The following BTD variants were observed in gnomAD, a reference collection of about 807,000 sequenced individuals.
BTD encodes the protein biocytinase.
Under a neutral mutation model 17.7 loss-of-function variants are expected in BTD, and 13 were observed. The ratio of observed to expected loss-of-function variants is 0.74; its 90% CI spans 0.48 to 1.17. BTD has a LOEUF of 1.17. Among genes scored for constraint, BTD ranks in the 50% most tolerant of loss-of-function variants. The pLI is 0.00. For missense variants in BTD, 674 were observed against 650.4 expected, an observed-to-expected ratio of 1.04 and a Z score of -0.39; for synonymous variants, 240 against 245.2, an observed-to-expected ratio of 0.98 and a Z score of 0.20.
intron 3 of BTD, chr3:15,709,744 G>A: frequency 1.3e-6 from 2 of 1,545,438 alleles, no homozygotes; most frequent in Non-Finnish European, 1.7e-6. Flanking sequence ...TTCCTATTGA[G>A]AGAAAATACA....
At chr3:15,715,375 T>C (rs2072880525), downstream of BTD, among the ~76,000 whole-genome samples, 1 of 152,214 alleles carries the variant, frequency 6.6e-6, no homozygotes, top group Non-Finnish European at 1.5e-5. Flanking sequence ...AATGGAAATG[T>C]CACAAGTATT....
chr3:15,605,829 A>C (rs191105838), intron 1 of BTD, among the ~76,000 whole-genome samples: 41 of 152,214 alleles, frequency 2.7e-4, no homozygotes, highest in Non-Finnish European at 4.3e-4. Context: ...AGATCATCTG[A>C]GGTCAGGAGT....
At chr3:15,692,763 A>C (rs1423953688) in intron 3 of BTD, among the ~76,000 whole-genome samples, 1 of 152,240 alleles carries the variant, frequency 6.6e-6, no homozygotes, top group Non-Finnish European at 1.5e-5. Flanking sequence ...CATTAAGCCT[A>C]ATCACTAAAT....
chr3:15,644,855 A>G lies in BTD; in HGVS notation c.939A>G (p.Ile313Met), dbSNP rs1267851309. Residue 313 changes from isoleucine to methionine, a missense_variant, in exon 4 of 4, where the codon ATA (isoleucine) becomes ATG (methionine). Ile to Met is a conservative substitution (Grantham distance 10). Coordinates refer to ENST00000643237, the MANE Select transcript of BTD (RefSeq NM_001370658.1). ...TGGAAAATCCCAAAAGTCACCTTAT[A>G]ATTGCCCAGGTGGCCAAAAATCCAG... ...HDMENPKSHLIIAQVAKNPVG... is the reference protein window; with the variant it reads ...HDMENPKSHLMIAQVAKNPVG... 6.2e-7 allele frequency: 1 copy of G among 1,614,052 alleles called. No individual in the cohort carries two copies. The highest frequency in any genetic ancestry group is 1.3e-5 in the African/African-American group (1 of 74,914).
Position 15,681,158 on chromosome 3 carries a change from C to T in BTD, c.400-28902C>T, listed in dbSNP as rs1172753274. ...ATGGTTTATTTGTGTATAACCTATG[C>T]ACATCTTCTCATATACTTTAAGTCA... is the stretch of plus-strand genomic sequence containing the variant. On this transcript the variant is annotated intron_variant, in intron 3 of 3. Coordinates refer to the BTD transcript ENST00000672141. Among the ~76,000 whole-genome samples the T allele has an allele frequency of 3.9e-5, 6 of 152,122 alleles. No individual in the cohort carries two copies. The East Asian group carries it at 9.6e-4, about 24-fold the overall frequency.
At chr3:15,671,749 A>G (rs1395001317) in intron 3 of BTD, among the ~76,000 whole-genome samples, 1 of 151,826 alleles carries the variant, frequency 6.6e-6, no homozygotes, top group African/African-American at 2.4e-5. Context: ...ATGACCAGCT[A>G]ATTTTTTATA....
chr3:15,615,355 C>T (rs1265929022), intron 1 of BTD, among the ~76,000 whole-genome samples: 1 of 152,170 alleles, frequency 6.6e-6, no homozygotes, highest in Non-Finnish European at 1.5e-5. Context: ...CAAGTTTCTA[C>T]GTCAGATAGT....
chr3:15,621,611 T>C (rs1269583613), intron 1 of BTD, among the ~76,000 whole-genome samples: 2 of 152,124 alleles, frequency 1.3e-5, no homozygotes, highest in African/African-American at 4.8e-5. Context: ...CTTTTTTTTT[T>C]CCTTTGAGAT....
chr3:15,708,144 C>A, intron 3 of BTD: 1 of 1,442,040 alleles, frequency 6.9e-7, no homozygotes, highest in South Asian at 1.3e-5. Flanking sequence ...ACTCTTACTC[C>A]TCCCAGTTAC....
At chr3:15,602,102 G>A in intron 1 of BTD, 1 of 1,435,238 alleles carries the variant, frequency 7.0e-7, no homozygotes, top group Non-Finnish European at 9.1e-7. Flanking sequence ...TACACGCTTT[G>A]TGGTTTACGC....
At chr3:15,678,322 T>A (rs772429036) in intron 3 of BTD, 2 of 1,611,148 alleles carry the variant, frequency 1.2e-6, no homozygotes, top group Non-Finnish European at 1.7e-6. Flanking sequence ...ACACTCTACA[T>A]GGTCTGTGAA....
chr3:15,684,969 A>G, intron 3 of BTD: 3 of 444,650 alleles, frequency 6.7e-6, no homozygotes, highest in Non-Finnish European at 1.2e-5. Flanking sequence ...ACTAAAAAAG[A>G]AAAGAAAAGA....
intron 3 of BTD, among the ~76,000 whole-genome samples, chr3:15,701,379 T>A (rs1026707121): frequency 5.3e-5 from 8 of 152,192 alleles, no homozygotes; most frequent in African/African-American, 1.9e-4. Context: ...GTGCAGTGGC[T>A]CATGCCTGTA....
chr3:15,641,977 C>T lies in BTD; in HGVS notation c.319C>T (p.Pro107Ser). Reference sequence around the variant, plus strand: ...CAACTTTACAAGAACATCCATTTATCCATTTTTGGACTTCATGCCGTCTCC... The same window carrying T: ...CAACTTTACAAGAACATCCATTTATTCATTTTTGGACTTCATGCCGTCTCC... ...GFNFTRTSIY[P>S]FLDFMPSPQV... Residue 107 changes from proline (P) to serine (S), a missense_variant, in exon 3 of 4, where the codon CCA (proline) becomes TCA (serine). Physicochemically the swap from Pro to Ser is moderately conservative, Grantham distance 74. Transcript: ENST00000643237. The T allele has an allele frequency of 1.9e-6, 3 of 1,614,106 alleles. No homozygotes were observed. The highest frequency in any genetic ancestry group is 2.2e-5 in the South Asian group (2 of 91,046).
chr3:15,721,034 C>T (rs751799333), intron 4 of BTD: 3 of 1,613,754 alleles, frequency 1.9e-6, no homozygotes. Context: ...TTCACAATAG[C>T]ACCACAGTCT....
intron 3 of BTD, chr3:15,683,942 T>C (rs1449991490): frequency 6.6e-6 from 1 of 152,158 alleles, no homozygotes; most frequent in Non-Finnish European, 1.5e-5. Context: ...TTTTAGCAAA[T>C]GGGTATTTAT....
At chr3:15,665,366 T>C (rs2065967487) in intron 3 of BTD, among the ~76,000 whole-genome samples, 1 of 152,210 alleles carries the variant, frequency 6.6e-6, no homozygotes, top group Admixed American at 6.5e-5. Flanking sequence ...GGACTGGTGC[T>C]ACATTCTTCT....
chr3:15,642,392 C>A, intron 3 of BTD: 1 of 606,080 alleles, frequency 1.6e-6, no homozygotes, highest in Non-Finnish European at 2.6e-6. Flanking sequence ...AAACTGCCAT[C>A]AACAATTTGA....
rs1008487550 is a variant in BTD, at chr3:15,645,979, C to T, written c.*491C>T. 3 of 153,898 alleles carry T rather than the reference C, an allele frequency of 1.9e-5. No homozygotes were observed. The highest frequency in any genetic ancestry group is 7.2e-5 in the African/African-American group (3 of 41,440). The allele number at this position is 153,898 out of a possible 1,614,324, so 9.5% of individuals were successfully genotyped here. A position where few individuals can be genotyped will look rare whatever the true frequency, so the allele number is the denominator to read the frequency against. On this transcript the variant is annotated 3_prime_UTR_variant, in exon 4 of 4. Transcript: ENST00000643237. ...AAATGGCCCTTGTGGGGAACCTTCC[C>T]ATTCTGGTCGACCAGAACTCTAGCC...
Sources: gnomAD v4.1 joint callset for allele counts (sites outside exome capture counted in the v4.1 genomes callset) on GRCh38, gnomAD v4.1.1 for gene constraint, MANE v1.5 for transcripts, NCBI Gene and HGNC (gene_info 2026-07-23, HGNC 2026-07-21) for gene names.